The following ZNF529 variants were observed in gnomAD, a reference collection of about 807,000 sequenced individuals.
ZNF529 encodes zinc finger protein 529.
Under a neutral mutation model 10.1 loss-of-function variants are expected in ZNF529, and 11 were observed. The ratio of observed to expected loss-of-function variants is 1.09; its 90% CI spans 0.69 to 1.81. The LOEUF is 1.81. Ranked by LOEUF, ZNF529 falls within the 40% of genes most tolerant of loss-of-function variation. ZNF529 has a pLI of 0.00. For synonymous variants in ZNF529, 204 were observed against 215.7 expected, an observed-to-expected ratio of 0.95 and a Z score of 0.47; for missense variants, 624 against 666.8, an observed-to-expected ratio of 0.94 and a Z score of 0.71.
intron 4 of ZNF529, among the ~76,000 whole-genome samples, chr19:36,552,518 C>T (rs2035302240): frequency 6.6e-6 from 1 of 152,200 alleles, no homozygotes; most frequent in South Asian, 2.1e-4. Context: ...AACAGAATCA[C>T]AGGGGCTAAT....
intron 2 of ZNF529, among the ~76,000 whole-genome samples, chr19:36,571,380 A>C (rs1188491831): frequency 6.6e-6 from 1 of 152,154 alleles, no homozygotes; most frequent in East Asian, 1.9e-4. Context: ...TTTTCTTTTT[A>C]AAATGTGTTT....
chr19:36,556,795 T>C (rs1376434278), intron 2 of ZNF529, among the ~76,000 whole-genome samples: 1 of 152,170 alleles, frequency 6.6e-6, no homozygotes. Flanking sequence ...GCTCTGAGAT[T>C]TTGTCCAGGG....
chr19:36,573,394 C>G (rs868632321), upstream of ZNF529: 1 of 465,864 alleles, frequency 2.1e-6, no homozygotes, highest in Non-Finnish European at 4.5e-6. Context: ...AAGCGGAGCC[C>G]GCTGGCCGCA....
chr19:36,553,853 A>G (rs2035355963), intron 4 of ZNF529, among the ~76,000 whole-genome samples: 2 of 152,234 alleles, frequency 1.3e-5, no homozygotes, highest in African/African-American at 2.4e-5. Context: ...TGAAATACAC[A>G]TAACTACTTA....
chr19:36,566,588 T>TG (rs1177843560), intron 2 of ZNF529, among the ~76,000 whole-genome samples: 1 of 5,810 alleles, frequency 1.7e-4, no homozygotes, highest in Non-Finnish European at 3.3e-4. Context: ...GTTGGGGAGG[T>TG]GGGGGGCGGG....
intron 2 of ZNF529, among the ~76,000 whole-genome samples, chr19:36,556,773 A>G (rs961347475): frequency 6.6e-6 from 1 of 152,204 alleles, no homozygotes; most frequent in Non-Finnish European, 1.5e-5. Context: ...TACCTCCAGC[A>G]CTAGAATGGT....
At position 36,546,691 on chromosome 19, in the gene ZNF529, A is replaced by G. The variant is rs575501230; in HGVS notation, c.*175T>C. On this transcript the variant is annotated 3_prime_UTR_variant, in exon 5 of 5. Transcript: ENST00000591340. The stretch of plus-strand genomic sequence containing the variant: ...ATATTTGGCAACATCTAACAAAGCT[A>G]TAAGTATATATCAGCTATGACTAAG... The G allele has an allele frequency of 4.1e-4, 248 of 609,712 alleles. 1 individual carries two copies. The highest frequency in any genetic ancestry group is 8.6e-5 in the Non-Finnish European group (33 of 383,626). 37.8% of individuals were successfully genotyped at this position (609,712 alleles called of 1,614,324 possible).
At chr19:36,579,578 A>G (rs2036418554) in intron 2 of ZNF529, among the ~76,000 whole-genome samples, 1 of 152,258 alleles carries the variant, frequency 6.6e-6, no homozygotes, top group Non-Finnish European at 1.5e-5. Context: ...TATATAGCAT[A>G]TAGCATACCT....
Position 36,546,931 on chromosome 19 carries a change from AG to A in ZNF529, c.1626del (p.Phe543LeufsTer26), listed in dbSNP as rs761386356. 6 of 1,613,688 alleles carry A rather than the reference AG, an allele frequency of 3.7e-6. No homozygotes were observed. In the South Asian group the frequency reaches 6.6e-5, roughly 18 times the overall value. ...CAAGTAAGATGCCCAACAACACTAA[AG>A]GAATTCCCACACTCCTTACATTCAT... The part of the protein sequence containing the change: ...KPYECKECGN[S>X]FSVVGHLTCQ... On this transcript the variant is annotated frameshift_variant, in exon 5 of 5. Coordinates refer to ENST00000591340, the MANE Select transcript of ZNF529 (RefSeq NM_020951.5). LOFTEE classifies it low-confidence loss of function (END_TRUNC).
chr19:36,550,159 G>A (rs2035204956), intron 4 of ZNF529, among the ~76,000 whole-genome samples: 1 of 152,192 alleles, frequency 6.6e-6, no homozygotes, highest in African/African-American at 2.4e-5. Context: ...ATGAAATAAT[G>A]CAGGCATCAA....
chr19:36,590,570 G>GA (rs1422717757), intron 1 of ZNF529, among the ~76,000 whole-genome samples: 1 of 151,444 alleles, frequency 6.6e-6, no homozygotes, highest in Non-Finnish European at 1.5e-5. Flanking sequence ...TAAGATGAGA[G>GA]AAAAAAATAA....
intron 2 of ZNF529, among the ~76,000 whole-genome samples, chr19:36,557,797 A>G (rs1395643967): frequency 6.6e-6 from 1 of 152,228 alleles, no homozygotes; most frequent in Non-Finnish European, 1.5e-5. Flanking sequence ...AAGAAACAGG[A>G]AAGTATGATT....
At chr19:36,583,021 CAAAAT>C (rs939740758) in intron 2 of ZNF529, among the ~76,000 whole-genome samples, 26 of 152,014 alleles carry the variant, frequency 1.7e-4, no homozygotes, top group East Asian at 1.2e-3. Context: ...ACTCTTGACT[CAAAAT>C]GAAATAGAAA....
At chr19:36,601,243 A>G (rs143542679) in intron 1 of ZNF529, among the ~76,000 whole-genome samples, 2 of 148,932 alleles carry the variant, frequency 1.3e-5, no homozygotes, top group African/African-American at 5.0e-5. Context: ...AGCTGGGACT[A>G]TAGACGCCCA....
intron 2 of ZNF529, among the ~76,000 whole-genome samples, chr19:36,579,468 A>G (rs981094949): frequency 3.9e-5 from 6 of 152,268 alleles, no homozygotes; most frequent in Non-Finnish European, 7.3e-5. Context: ...TGCAAGCATC[A>G]TAGAGCACAC....
At chr19:36,592,550 C>T (rs1194110459) in intron 1 of ZNF529, among the ~76,000 whole-genome samples, 3 of 147,182 alleles carry the variant, frequency 2.0e-5, no homozygotes, top group Admixed American at 6.8e-5. Context: ...GCCGAGATCA[C>T]GCCGCTGCAA....
At chr19:36,594,458 C>CTCAAGATGCCCCCCA (rs2145284286) in intron 1 of ZNF529, 1 of 152,338 alleles carries the variant, frequency 6.6e-6, no homozygotes, top group Admixed American at 6.5e-5. Context: ...CCCATGGAAT[C>CTCAAGATGCCCCCCA]CAGCCATCAT....
chr19:36,597,405 T>C (rs1468998974), intron 1 of ZNF529, among the ~76,000 whole-genome samples: 1 of 152,194 alleles, frequency 6.6e-6, no homozygotes, highest in Non-Finnish European at 1.5e-5. Context: ...ATTATTTTAG[T>C]TACCATAAAG....
At chr19:36,561,140 G>C (rs1463329041) in intron 2 of ZNF529, among the ~76,000 whole-genome samples, 1 of 152,136 alleles carries the variant, frequency 6.6e-6, no homozygotes, top group Non-Finnish European at 1.5e-5. Flanking sequence ...TGGTTTCCAG[G>C]GAAGGGCGTA....
Sources: gnomAD v4.1 joint callset for allele counts (sites outside exome capture counted in the v4.1 genomes callset) on GRCh38, gnomAD v4.1.1 for gene constraint, MANE v1.5 for transcripts, NCBI Gene and HGNC (gene_info 2026-07-23, HGNC 2026-07-21) for gene names.